PHF24: variants seen among roughly 807,000 people sequenced by gnomAD.
PHF24 encodes the protein Galpha inhibitory interacting protein.
In PHF24, 25 loss-of-function variants were observed where a neutral mutation model predicts 42.6. The ratio of observed to expected loss-of-function variants is 0.59; its 90% CI spans 0.43 to 0.82. The LOEUF is 0.82. Ranked by LOEUF, PHF24 falls within the 40% of genes least tolerant of loss-of-function variation. The probability of loss-of-function intolerance (pLI) is 0.00; values close to 1 mark genes in which losing one functional copy is unlikely to be tolerated. For synonymous variants in PHF24, 185 were observed against 204.8 expected, an observed-to-expected ratio of 0.90 and a Z score of 0.83; for missense variants, 470 against 538.1, an observed-to-expected ratio of 0.87 and a Z score of 1.25.
chr9:34,936,011 GTCTCCC>G, the PHF24 span, among the ~76,000 whole-genome samples: 78 of 150,370 alleles, frequency 5.2e-4, no homozygotes, highest in East Asian at 0.011. Flanking sequence ...AAAAAATTGA[GTCTCCC>G]TCTCCCTCTC....
the PHF24 span, among the ~76,000 whole-genome samples, chr9:34,789,094 A>G: frequency 2.2e-4 from 33 of 152,162 alleles, no homozygotes; most frequent in Admixed American, 1.8e-3. Flanking sequence ...AGGCTCCCAC[A>G]GGCCTGGATG....
At chr9:34,780,471 G>T in the PHF24 span, among the ~76,000 whole-genome samples, 1 of 151,544 alleles carries the variant, frequency 6.6e-6, no homozygotes, top group African/African-American at 2.4e-5. Context: ...ATTTTGTAGA[G>T]AAGGGGTTTC....
the PHF24 span, chr9:34,835,481 A>G: frequency 6.4e-6 from 10 of 1,551,976 alleles, no homozygotes; most frequent in South Asian, 5.9e-5. Flanking sequence ...ATGCAAGGCC[A>G]TCGGATGCAT....
At chr9:34,831,734 A>T in the PHF24 span, among the ~76,000 whole-genome samples, 1 of 152,268 alleles carries the variant, frequency 6.6e-6, no homozygotes, top group South Asian at 2.1e-4. Context: ...GGCCTGTGGG[A>T]CAGGCCCTTC....
the PHF24 span, among the ~76,000 whole-genome samples, chr9:34,883,909 T>G: frequency 2.0e-5 from 3 of 152,220 alleles, no homozygotes; most frequent in African/African-American, 4.8e-5. Flanking sequence ...TAAAGACACA[T>G]GCACACGTAT....
At chr9:34,794,859 C>A in the PHF24 span, among the ~76,000 whole-genome samples, 1,066 of 152,008 alleles carry the variant, frequency 7.0e-3, 34 homozygotes, top group East Asian at 0.11. Flanking sequence ...AACATGCATA[C>A]CATTGAAGTC....
the PHF24 span, among the ~76,000 whole-genome samples, chr9:34,786,178 T>C: frequency 2.0e-5 from 3 of 152,150 alleles, no homozygotes; most frequent in African/African-American, 4.8e-5. Context: ...GAGCAGAGGA[T>C]TGAAGCAGTA....
At chr9:34,968,522 AGGT>A (rs1431593214) in intron 1 of PHF24, among the ~76,000 whole-genome samples, 1 of 152,136 alleles carries the variant, frequency 6.6e-6, no homozygotes, top group Non-Finnish European at 1.5e-5. Context: ...GGAGTCGGGG[AGGT>A]GGTTCTTTCC....
chr9:34,902,115 T>C, the PHF24 span, among the ~76,000 whole-genome samples: 1 of 152,092 alleles, frequency 6.6e-6, no homozygotes, highest in East Asian at 1.9e-4. Context: ...CGTAAATAAA[T>C]AAACATGTAG....
At chr9:34,901,606 T>TA in the PHF24 span, among the ~76,000 whole-genome samples, 1 of 151,924 alleles carries the variant, frequency 6.6e-6, no homozygotes, top group Non-Finnish European at 1.5e-5. Flanking sequence ...TTATAGAAAA[T>TA]AAAAATAGGG....
chr9:34,815,204 G>A, the PHF24 span, among the ~76,000 whole-genome samples: 3 of 152,306 alleles, frequency 2.0e-5, no homozygotes, highest in South Asian at 2.1e-4. Context: ...AGCCTAATTG[G>A]TTGCTTCCGC....
At chr9:34,774,651 T>C in the PHF24 span, among the ~76,000 whole-genome samples, 1 of 152,086 alleles carries the variant, frequency 6.6e-6, no homozygotes, top group Non-Finnish European at 1.5e-5. Flanking sequence ...CGGGCACCTG[T>C]AATTCCAACT....
chr9:34,916,694 T>C, the PHF24 span, among the ~76,000 whole-genome samples: 1 of 152,262 alleles, frequency 6.6e-6, no homozygotes, highest in Non-Finnish European at 1.5e-5. Context: ...TTACAAGTTA[T>C]ACCATGAGAA....
At chr9:34,931,426 G>A in the PHF24 span, among the ~76,000 whole-genome samples, 3 of 151,010 alleles carry the variant, frequency 2.0e-5, no homozygotes, top group African/African-American at 7.3e-5. Flanking sequence ...GATGCAGGGG[G>A]AAGGGTGGAA....
At chr9:34,770,535 A>G in the PHF24 span, among the ~76,000 whole-genome samples, 1 of 152,174 alleles carries the variant, frequency 6.6e-6, no homozygotes, top group African/African-American at 2.4e-5. Context: ...TCTCACATTT[A>G]AGTCTGTCTT....
At chr9:34,970,737 A>G (rs1163072265) in intron 1 of PHF24, among the ~76,000 whole-genome samples, 1 of 152,154 alleles carries the variant, frequency 6.6e-6, no homozygotes, top group African/African-American at 2.4e-5. Flanking sequence ...GTCTCCAACC[A>G]TTTCGAAGTA....
chr9:34,736,871 G>A, the PHF24 span, among the ~76,000 whole-genome samples: 9 of 152,308 alleles, frequency 5.9e-5, no homozygotes, highest in African/African-American at 2.2e-4. Flanking sequence ...GGAAAAAAAT[G>A]TGTCAGCGTG....
At chr9:34,680,819 C>T in the PHF24 span, 1 of 152,146 alleles carries the variant, frequency 6.6e-6, no homozygotes, top group Non-Finnish European at 1.5e-5. Context: ...TATCCATATT[C>T]CCTTCCATGT....
chr9:34,772,662 AAG>A, the PHF24 span, among the ~76,000 whole-genome samples: 1 of 152,240 alleles, frequency 6.6e-6, no homozygotes, highest in African/African-American at 2.4e-5. Context: ...ACACATTAAA[AAG>A]GAATCCTCAC....
Sources: allele counts gnomAD v4.1 joint callset (sites outside exome capture counted in the v4.1 genomes callset), GRCh38; gene constraint gnomAD v4.1.1; transcripts MANE v1.5; gene names NCBI Gene and HGNC (gene_info 2026-07-23, HGNC 2026-07-21).